Variants in SAXO1 observed in about 807,000 individuals in gnomAD.
SAXO1 encodes 4930500O09Rik.
SAXO1 carries 21 observed loss-of-function variants against 17.5 expected under a neutral mutation model. The ratio of observed to expected loss-of-function variants is 1.20; its 90% CI spans 0.85 to 1.72. The LOEUF is 1.72. SAXO1 is among the 40% of genes most tolerant of loss of function. The pLI is 0.00. For synonymous variants in SAXO1, 274 were observed against 216.5 expected (o/e 1.27, Z -2.33); for missense variants, 843 against 596.0 (o/e 1.41, Z -4.32).
intron 1 of SAXO1, among the ~76,000 whole-genome samples, chr9:19,048,201 C>G (rs1465848197): frequency 6.6e-6 from 1 of 152,218 alleles, no homozygotes; most frequent in Non-Finnish European, 1.5e-5. Context: ...CACGGTGGCT[C>G]ACGCCTGTAA....
chr9:18,933,397 A>G (rs560530595), intron 3 of SAXO1, among the ~76,000 whole-genome samples: 1 of 152,318 alleles, frequency 6.6e-6, no homozygotes, highest in African/African-American at 2.4e-5. Context: ...ATTGTCTTTT[A>G]AATGAATTAA....
intron 1 of SAXO1, among the ~76,000 whole-genome samples, chr9:19,016,496 G>A (rs1483788684): frequency 6.7e-6 from 1 of 149,888 alleles, no homozygotes; most frequent in Non-Finnish European, 1.5e-5. Flanking sequence ...AATGCCTCTA[G>A]CCCAGTGATT....
chr9:19,017,126 T>G (rs1382754845), intron 1 of SAXO1, among the ~76,000 whole-genome samples: 1 of 151,484 alleles, frequency 6.6e-6, no homozygotes, highest in African/African-American at 2.4e-5. Flanking sequence ...CTGGACAACA[T>G]AGTGAGAACT....
chr9:18,946,532 G>A (rs1047433318), intron 2 of SAXO1, among the ~76,000 whole-genome samples: 26 of 151,872 alleles, frequency 1.7e-4, no homozygotes, highest in Non-Finnish European at 3.7e-4. Flanking sequence ...TTACCTGCCT[G>A]CCAAAGATAA....
chr9:18,971,038 C>T (rs961209058), intron 1 of SAXO1, among the ~76,000 whole-genome samples: 2 of 152,076 alleles, frequency 1.3e-5, no homozygotes, highest in African/African-American at 4.8e-5. Context: ...CCTGGGTTTC[C>T]CTGTCCCCTC....
At chr9:18,936,365 C>T (rs370188144) in intron 3 of SAXO1, among the ~76,000 whole-genome samples, 18 of 152,114 alleles carry the variant, frequency 1.2e-4, no homozygotes, top group African/African-American at 3.9e-4. Context: ...CTGCCCACCC[C>T]GGCCCCCAGA....
intron 1 of SAXO1, among the ~76,000 whole-genome samples, chr9:19,025,353 A>AC (rs1252862912): frequency 6.6e-6 from 1 of 152,180 alleles, no homozygotes; most frequent in East Asian, 1.9e-4. Flanking sequence ...GTAATATGAA[A>AC]CCAAGTCCTC....
chr9:18,994,036 T>C (rs1269353806), intron 1 of SAXO1, among the ~76,000 whole-genome samples: 1 of 152,196 alleles, frequency 6.6e-6, no homozygotes, highest in Admixed American at 6.5e-5. Flanking sequence ...AATGCCAAAG[T>C]ATGGCCCAGA....
intron 1 of SAXO1, among the ~76,000 whole-genome samples, chr9:18,954,316 A>G (rs1456636225): frequency 2.0e-5 from 3 of 152,008 alleles, no homozygotes; most frequent in East Asian, 3.9e-4. Flanking sequence ...AACTTGGAGC[A>G]TTGGCTCCAA....
chr9:18,975,479 G>A lies in SAXO1; in HGVS notation c.39-24542C>T, dbSNP rs1004953367. Among the ~76,000 whole-genome samples the A allele has an allele frequency of 3.9e-5, 6 of 152,182 alleles. No individual in the cohort carries two copies. In the South Asian group the frequency reaches 6.2e-4, roughly 16 times the overall value. On this transcript the variant is annotated intron_variant, in intron 1 of 3. Coordinates refer to ENST00000380534, the MANE Select transcript of SAXO1 (RefSeq NM_153707.4). The stretch of plus-strand genomic sequence containing the variant: ...GCCCTGCCAATTGGCACCTGAAATG[G>A]AATCATTTGCCCTCCCTACTCTAGG...
At chr9:18,940,305 T>G (rs1259374445) in intron 3 of SAXO1, among the ~76,000 whole-genome samples, 3 of 152,202 alleles carry the variant, frequency 2.0e-5, no homozygotes, top group Non-Finnish European at 4.4e-5. Flanking sequence ...ATTAGTCAGT[T>G]CTTGTACTGC....
In SAXO1 at chr9:18,927,937, GTTTT is replaced by G; in HGVS notation, c.*111_*114del. 1 of 1,190,446 alleles carries G rather than the reference GTTTT, an allele frequency of 8.4e-7. No homozygotes were observed. Among genetic ancestry groups the G allele is most frequent in the Non-Finnish European group, 1.2e-6 (1 of 857,964 alleles). 73.7% of individuals were successfully genotyped at this position (1,190,446 alleles called of 1,614,324 possible). A position where few individuals can be genotyped will look rare whatever the true frequency, so the allele number is the denominator to read the frequency against. ...TTCAAGTGCTCTGGAAGTGGTGAAG[GTTTT>G]TTGTTTTTTGTTTTTTGTCATTTTA... On this transcript the variant is annotated 3_prime_UTR_variant, in exon 4 of 4. Transcript: ENST00000380534.
chr9:18,988,412 C>A (rs936386119), intron 1 of SAXO1, among the ~76,000 whole-genome samples: 4 of 152,186 alleles, frequency 2.6e-5, no homozygotes, highest in African/African-American at 9.6e-5. Context: ...CCTAAATGTC[C>A]TTCCAAATCC....
At chr9:19,008,886 C>T (rs1390148653) in intron 1 of SAXO1, among the ~76,000 whole-genome samples, 1 of 152,170 alleles carries the variant, frequency 6.6e-6, no homozygotes, top group East Asian at 1.9e-4. Flanking sequence ...AGCATGCATG[C>T]AACTTAGCAA....
intron 1 of SAXO1, among the ~76,000 whole-genome samples, chr9:18,985,800 T>C (rs143414076): frequency 8.5e-5 from 13 of 152,334 alleles, no homozygotes; most frequent in African/African-American, 3.1e-4. Flanking sequence ...ACATAATTTC[T>C]TTAAAAACAC....
intron 1 of SAXO1, among the ~76,000 whole-genome samples, chr9:19,047,645 A>C (rs1328650577): frequency 1.3e-5 from 2 of 152,224 alleles, no homozygotes; most frequent in Non-Finnish European, 2.9e-5. Context: ...AAAACCAAGA[A>C]GCAGGCATCA....
chr9:18,930,239 C>T (rs1481947420), intron 3 of SAXO1, among the ~76,000 whole-genome samples: 1 of 152,314 alleles, frequency 6.6e-6, no homozygotes, highest in South Asian at 2.1e-4. Flanking sequence ...ACTGGCCAAT[C>T]TAGATGTCCA....
chr9:18,962,982 G>A (rs1353211034), intron 1 of SAXO1, among the ~76,000 whole-genome samples: 4 of 152,162 alleles, frequency 2.6e-5, no homozygotes, highest in Non-Finnish European at 5.9e-5. Context: ...TGTATAAAGT[G>A]TAAGGAAGGG....
chr9:18,961,392 G>A (rs974834053), intron 1 of SAXO1, among the ~76,000 whole-genome samples: 1 of 152,046 alleles, frequency 6.6e-6, no homozygotes, highest in African/African-American at 2.4e-5. Context: ...AGAACGTGCA[G>A]GTTTGTTACA....
Sources: allele counts gnomAD v4.1 joint callset (sites outside exome capture counted in the v4.1 genomes callset), GRCh38; gene constraint gnomAD v4.1.1; transcripts MANE v1.5; gene names NCBI Gene and HGNC (gene_info 2026-07-23, HGNC 2026-07-21).